Variants in CADPS2 observed in about 807,000 individuals in gnomAD.
CADPS2 encodes the protein calcium dependent secretion activator 2.
A neutral mutation model predicts 172.5 loss-of-function variants in CADPS2; 93 were observed. That is an observed-to-expected ratio of 0.54 (90% confidence interval 0.46 to 0.64). The LOEUF is 0.64. Among genes scored for constraint, CADPS2 ranks in the 30% least tolerant of loss-of-function variants. The pLI is 0.00. For missense variants in CADPS2, 1,420 were observed against 1,565.9 expected, an observed-to-expected ratio of 0.91 and a Z score of 1.57; for synonymous variants, 546 against 555.2, an observed-to-expected ratio of 0.98 and a Z score of 0.23.
intron 2 of CADPS2, among the ~76,000 whole-genome samples, chr7:122,672,392 T>G (rs2081957421): frequency 6.6e-6 from 1 of 152,174 alleles, no homozygotes; most frequent in Non-Finnish European, 1.5e-5. Flanking sequence ...GGCACCATGC[T>G]GGTGTCGAAG....
At chr7:122,375,561 T>C (rs2042241524) in intron 25 of CADPS2, among the ~76,000 whole-genome samples, 1 of 151,986 alleles carries the variant, frequency 6.6e-6, no homozygotes, top group Non-Finnish European at 1.5e-5. Context: ...AAGTTGACCC[T>C]TATCTTACAA....
intron 6 of CADPS2, 59 bp from the exon 7 acceptor site, chr7:122,581,349 G>C: frequency 7.5e-7 from 1 of 1,339,490 alleles, no homozygotes; most frequent in Non-Finnish European, 1.1e-6. Context: ...TCCCCAAGGA[G>C]ATGTGTCTCC....
intron 28 of CADPS2, among the ~76,000 whole-genome samples, chr7:122,330,284 A>C (rs1475293191): frequency 6.6e-6 from 1 of 152,210 alleles, no homozygotes; most frequent in Non-Finnish European, 1.5e-5. Context: ...TTAAATGAGG[A>C]AGGCTTGGAT....
At chr7:122,691,430 C>A (rs1437862592) in intron 2 of CADPS2, among the ~76,000 whole-genome samples, 2 of 152,192 alleles carry the variant, frequency 1.3e-5, no homozygotes, top group Non-Finnish European at 2.9e-5. Flanking sequence ...TATTTGTGGT[C>A]ACATGCACAT....
chr7:122,864,175 T>C (rs923240404), intron 1 of CADPS2, among the ~76,000 whole-genome samples: 80 of 152,292 alleles, frequency 5.3e-4, no homozygotes, highest in African/African-American at 1.8e-3. Flanking sequence ...TGGCAATGGT[T>C]TCAGACTCTC....
chr7:122,520,038 A>G (rs1050314557), intron 8 of CADPS2, among the ~76,000 whole-genome samples: 1 of 152,068 alleles, frequency 6.6e-6, no homozygotes, highest in African/African-American at 2.4e-5. Context: ...AGAGTCAACT[A>G]TTAATAAGGT....
intron 1 of CADPS2, among the ~76,000 whole-genome samples, chr7:122,774,269 TACACACACACACAC>T (rs56843003): frequency 1.3e-3 from 186 of 143,064 alleles, no homozygotes; most frequent in Middle Eastern, 3.6e-3. Flanking sequence ...TAGATAGATA[TACACACACACACAC>T]ACACACACAC....
At chr7:122,777,816 C>G (rs1178326844) in intron 1 of CADPS2, among the ~76,000 whole-genome samples, 1 of 152,126 alleles carries the variant, frequency 6.6e-6, no homozygotes, top group Non-Finnish European at 1.5e-5. Flanking sequence ...TCAATTAAAC[C>G]TCTCTCCTTT....
intron 2 of CADPS2, among the ~76,000 whole-genome samples, chr7:122,707,334 A>C (rs2087739633): frequency 1.3e-5 from 2 of 151,960 alleles, no homozygotes. Context: ...GGCGCCAATT[A>C]AATTTTTTAG....
chr7:122,589,464 A>G lies in CADPS2; in HGVS notation c.1224-8174T>C, dbSNP rs540513191. Among the ~76,000 whole-genome samples the G allele has an allele frequency of 6.6e-5, 10 of 152,084 alleles. No homozygotes were observed. The South Asian group carries it at 2.1e-3, about 32-fold the overall frequency. ...GGCAGTCTTGTGGAAAACTCTAAGCAGAAAACAATACTTACGGAAGAGCAG... is the reference window on the plus strand; with the variant it reads ...GGCAGTCTTGTGGAAAACTCTAAGCGGAAAACAATACTTACGGAAGAGCAG... On this transcript the variant is annotated intron_variant, in intron 6 of 29. Transcript: ENST00000449022.
At chr7:122,605,304 A>G (rs557547373) in intron 6 of CADPS2, among the ~76,000 whole-genome samples, 2 of 152,216 alleles carry the variant, frequency 1.3e-5, no homozygotes, top group African/African-American at 2.4e-5. Context: ...CTGAACTAGT[A>G]AAAAAATTAA....
At position 122,886,004 on chromosome 7, in the gene CADPS2, G is replaced by A; in HGVS notation, c.334C>T (p.Gln112Ter). ...CGCCCGGTCCCGCAACTCACCTTCTGCTGCCTCCGGGCCATGTCGGTGGGC... is the reference window on the plus strand; with the variant it reads ...CGCCCGGTCCCGCAACTCACCTTCTACTGCCTCCGGGCCATGTCGGTGGGC... ...KQPTDMARRQ[Q>*]KLNKQQLQLL... The change falls in exon 1 of 30, where the codon CAG becomes TAG. Residue 112 changes from glutamine (Q) to a stop codon, truncating the protein, a stop_gained. Coordinates refer to ENST00000449022, the MANE Select transcript of CADPS2 (RefSeq NM_017954.11). LOFTEE classifies it high-confidence loss of function. 2 of 1,605,336 alleles carry A rather than the reference G, an allele frequency of 1.2e-6. No individual in the cohort carries two copies. Among genetic ancestry groups the A allele is most frequent in the Non-Finnish European group, 1.7e-6 (2 of 1,176,398 alleles).
At chr7:122,745,577 G>A (rs778868083) in intron 1 of CADPS2, among the ~76,000 whole-genome samples, 1 of 149,752 alleles carries the variant, frequency 6.7e-6, no homozygotes, top group Non-Finnish European at 1.5e-5. Flanking sequence ...AACAAAAGTG[G>A]CTTTAGGATA....
At chr7:122,569,506 T>C (rs1033837610) in intron 7 of CADPS2, among the ~76,000 whole-genome samples, 3 of 149,414 alleles carry the variant, frequency 2.0e-5, no homozygotes, top group Non-Finnish European at 3.0e-5. Context: ...ACCAATGACT[T>C]TCTTCACAGA....
At chr7:122,521,303 T>C (rs1221913389) in intron 8 of CADPS2, among the ~76,000 whole-genome samples, 1 of 152,096 alleles carries the variant, frequency 6.6e-6, no homozygotes, top group African/African-American at 2.4e-5. Context: ...CTGACAACAA[T>C]ACAGGCTATC....
intron 6 of CADPS2, among the ~76,000 whole-genome samples, chr7:122,602,573 A>G (rs2072944906): frequency 6.6e-6 from 1 of 152,032 alleles, no homozygotes; most frequent in African/African-American, 2.4e-5. Context: ...TATCAATCAG[A>G]GTTCCTAGGC....
At position 122,318,687 on chromosome 7, in the gene CADPS2, T is replaced by G. The variant is rs1414845801; in HGVS notation, c.*1478A>C. The G allele has an allele frequency of 6.6e-6, 1 of 152,222 alleles. No individual in the cohort carries two copies. Among genetic ancestry groups the G allele is most frequent in the African/African-American group, 2.4e-5 (1 of 41,460 alleles). 9.4% of individuals were successfully genotyped at this position (152,222 alleles called of 1,614,324 possible). A position where few individuals can be genotyped will look rare whatever the true frequency, so the allele number is the denominator to read the frequency against. On this transcript the variant is annotated 3_prime_UTR_variant, in exon 30 of 30. Coordinates refer to ENST00000449022, the MANE Select transcript of CADPS2 (RefSeq NM_017954.11). ...TTAATCCCGGAAGAAGGAAGAAATT[T>G]CCTTGTTTGTTATCTTAGCCCTAGG...
At position 122,602,529 on chromosome 7, in the gene CADPS2, G is replaced by A. The variant is rs1287731154; in HGVS notation, c.1223+12652C>T. Among the ~76,000 whole-genome samples, 3 of 151,928 alleles carry A rather than the reference G, an allele frequency of 2.0e-5. No individual in the cohort carries two copies. In the East Asian group the frequency reaches 5.8e-4, roughly 29 times the overall value. ...AAGAGAGGGTTCTGAGATCAATGTG[G>A]GTACAAAACCTTCAAGTTGAACTGG... On this transcript the variant is annotated intron_variant, in intron 6 of 29. Transcript: ENST00000449022.
chr7:122,415,737 C>G (rs907300642), intron 18 of CADPS2, among the ~76,000 whole-genome samples: 12 of 152,114 alleles, frequency 7.9e-5, no homozygotes, highest in African/African-American at 2.4e-4. Flanking sequence ...TAACTTTCCC[C>G]CTTCTTCAAT....
Sources: allele counts gnomAD v4.1 joint callset (sites outside exome capture counted in the v4.1 genomes callset), GRCh38; gene constraint gnomAD v4.1.1; transcripts MANE v1.5; gene names NCBI Gene and HGNC (gene_info 2026-07-23, HGNC 2026-07-21).